SLC25A48: variants seen among roughly 807,000 people sequenced by gnomAD.
The protein encoded by SLC25A48 is CTC-321K16.1.
Under a neutral mutation model 32.2 loss-of-function variants are expected in SLC25A48, and 29 were observed. The observed-to-expected ratio is 0.90, with a 90% CI of 0.67 to 1.23. SLC25A48 has a LOEUF of 1.23. Among genes scored for constraint, SLC25A48 ranks in the 50% most tolerant of loss-of-function variants. The pLI is 0.00. For missense variants in SLC25A48, 399 were observed against 422.7 expected (o/e 0.94, Z 0.49); for synonymous variants, 164 against 172.3 (o/e 0.95, Z 0.38).
intron 3 of SLC25A48, chr5:135,652,521 A>G (rs1753140872): frequency 1.1e-5 from 5 of 439,402 alleles, no homozygotes; most frequent in Admixed American, 7.4e-5. Context: ...AGGTCTCACT[A>G]TATACCCCAT....
intron 3 of SLC25A48, among the ~76,000 whole-genome samples, chr5:135,716,204 T>C (rs570671965): frequency 1.9e-4 from 29 of 152,274 alleles, no homozygotes; most frequent in African/African-American, 6.7e-4. Context: ...GTGAACCTCA[T>C]GCTTACCTGG....
chr5:135,723,414 A>ACACACACACACACACACACACACACAC (rs70976577), intron 3 of SLC25A48, among the ~76,000 whole-genome samples: 2 of 145,714 alleles, frequency 1.4e-5, no homozygotes, highest in Non-Finnish European at 3.0e-5. Context: ...ACACACACAC[A>ACACACACACACACACACACACACACAC]ATGGGGAGGG....
chr5:135,775,729 G>T (rs1756539414), intron 3 of SLC25A48, among the ~76,000 whole-genome samples: 1 of 151,700 alleles, frequency 6.6e-6, no homozygotes, highest in Non-Finnish European at 1.5e-5. Flanking sequence ...TATCCAGGGG[G>T]GAAGGGATAA....
At chr5:135,883,570 C>A in intron 7 of SLC25A48, 1 of 748,388 alleles carries the variant, frequency 1.3e-6, no homozygotes, top group Non-Finnish European at 1.6e-6. Flanking sequence ...GAAAACCCCT[C>A]CACACAGGTG....
chr5:135,790,548 AG>A (rs1416888633), intron 3 of SLC25A48, among the ~76,000 whole-genome samples: 1 of 140,172 alleles, frequency 7.1e-6, no homozygotes, highest in African/African-American at 2.8e-5. Context: ...GTAATTTCCT[AG>A]GGGGATATTT....
chr5:135,649,354 A>G (rs968205290), intron 3 of SLC25A48: 5 of 152,196 alleles, frequency 3.3e-5, no homozygotes, highest in African/African-American at 9.6e-5. Flanking sequence ...ACATGAGTCT[A>G]TAAGGCTTTA....
intron 3 of SLC25A48, among the ~76,000 whole-genome samples, chr5:135,668,014 T>G (rs1292689257): frequency 6.6e-6 from 1 of 152,168 alleles, no homozygotes; most frequent in Non-Finnish European, 1.5e-5. Flanking sequence ...TGTGAAGACA[T>G]AGTCCTGGCC....
At chr5:135,622,411 A>C (rs1752345272) in intron 1 of SLC25A48, among the ~76,000 whole-genome samples, 1 of 152,238 alleles carries the variant, frequency 6.6e-6, no homozygotes, top group Non-Finnish European at 1.5e-5. Flanking sequence ...AAAAAATTGG[A>C]AACAGCTGAA....
At chr5:135,613,545 G>A (rs1752120814) in intron 1 of SLC25A48, among the ~76,000 whole-genome samples, 1 of 152,090 alleles carries the variant, frequency 6.6e-6, no homozygotes, top group South Asian at 2.1e-4. Flanking sequence ...TCTTCCAGTG[G>A]TATTATAGTT....
intron 4 of SLC25A48, among the ~76,000 whole-genome samples, chr5:135,869,938 C>T (rs1028239693): frequency 6.6e-6 from 1 of 152,196 alleles, no homozygotes; most frequent in Non-Finnish European, 1.5e-5. Flanking sequence ...GAAAATACAG[C>T]ATGGGTTTGT....
chr5:135,641,919 G>A (rs79072984), intron 3 of SLC25A48, among the ~76,000 whole-genome samples: 3,468 of 152,204 alleles, frequency 0.023, 133 homozygotes, highest in African/African-American at 0.078. Context: ...AAAATGCTGG[G>A]CATTTCATAT....
chr5:135,610,634 A>G (rs555863424), intron 1 of SLC25A48, among the ~76,000 whole-genome samples: 16 of 152,294 alleles, frequency 1.1e-4, no homozygotes, highest in African/African-American at 2.6e-4. Context: ...TTAATCTTCA[A>G]TTTTACTGTC....
intron 3 of SLC25A48, chr5:135,650,633 C>T (rs1753088915): frequency 3.1e-6 from 1 of 319,930 alleles, no homozygotes; most frequent in South Asian, 2.3e-5. Flanking sequence ...TTAGCTCAGC[C>T]CTGGCCAGGT....
chr5:135,723,580 C>G (rs10515474), intron 3 of SLC25A48, among the ~76,000 whole-genome samples: 1 of 150,104 alleles, frequency 6.7e-6, no homozygotes, highest in Non-Finnish European at 1.5e-5. Context: ...ACTGTAAAAC[C>G]ATAACAGAAA....
At chr5:135,621,552 A>G (rs1343268110) in intron 1 of SLC25A48, among the ~76,000 whole-genome samples, 1 of 152,200 alleles carries the variant, frequency 6.6e-6, no homozygotes, top group Non-Finnish European at 1.5e-5. Flanking sequence ...ACAAAAATTG[A>G]AAGACAAATC....
At chr5:135,875,008 G>T in intron 6 of SLC25A48, 1 of 365,746 alleles carries the variant, frequency 2.7e-6, no homozygotes, top group Non-Finnish European at 4.9e-6. Context: ...TCCCTTCCAT[G>T]AAGGGCGGGG....
intron 3 of SLC25A48, among the ~76,000 whole-genome samples, chr5:135,773,375 G>A (rs149702996): frequency 1.3e-4 from 19 of 150,330 alleles, no homozygotes; most frequent in Admixed American, 3.3e-4. Context: ...ATAGCGGGGT[G>A]TACACCCCCT....
intron 1 of SLC25A48, among the ~76,000 whole-genome samples, chr5:135,627,269 G>A (rs111576744): frequency 4.6e-5 from 7 of 152,290 alleles, no homozygotes; most frequent in African/African-American, 1.7e-4. Flanking sequence ...TGGAGGGTGG[G>A]AGGAAGGAAG....
chr5:135,790,307 C>T (rs562507609), intron 3 of SLC25A48, among the ~76,000 whole-genome samples: 152 of 150,994 alleles, frequency 1.0e-3, no homozygotes, highest in African/African-American at 2.4e-3. Flanking sequence ...CAGTGGGTTA[C>T]TCCATGTGTG....
Sources: allele counts gnomAD v4.1 joint callset (sites outside exome capture counted in the v4.1 genomes callset), GRCh38; gene constraint gnomAD v4.1.1; transcripts MANE v1.5; gene names NCBI Gene and HGNC (gene_info 2026-07-23, HGNC 2026-07-21).